The following ITPK1 variants were observed in gnomAD, a reference collection of about 807,000 sequenced individuals.
ITPK1 encodes the protein inositol-tetrakisphosphate 1-kinase.
A neutral mutation model predicts 45.3 loss-of-function variants in ITPK1; 21 were observed. That is an observed-to-expected ratio of 0.46 (90% CI 0.33 to 0.67). ITPK1 has a LOEUF of 0.67. Among genes scored for constraint, ITPK1 ranks in the 30% least tolerant of loss-of-function variants. ITPK1 has a pLI of 0.02. For missense variants in ITPK1, 474 were observed against 573.5 expected (o/e 0.83, Z 1.77); for synonymous variants, 258 against 253.6 (o/e 1.02, Z -0.16).
chr14:93,014,236 T>A lies in ITPK1; in HGVS notation c.246+2440A>T, dbSNP rs1340773050. Among the ~76,000 whole-genome samples the A allele has an allele frequency of 6.6e-6, 1 of 152,126 alleles. No individual in the cohort carries two copies. The highest frequency in any genetic ancestry group is 1.5e-5 in the Non-Finnish European group (1 of 68,018). ...ATGCACCTGTGGCTGCCTGACAGCC[T>A]TAAGCCACAAGGCCCCATGCTGCCC... On this transcript the variant is annotated intron_variant, in intron 4 of 10. Coordinates refer to ENST00000267615, the MANE Select transcript of ITPK1 (RefSeq NM_014216.6). This position sits in a 1 kb window ranked among gnomAD's most constrained non-coding sequence, Gnocchi z 4.4.
chr14:93,082,144 T>G (rs1595198180), intron 2 of ITPK1, among the ~76,000 whole-genome samples: 1 of 147,966 alleles, frequency 6.8e-6, no homozygotes, highest in Non-Finnish European at 1.5e-5. Flanking sequence ...AGGGGTGGGG[T>G]GGGGGGCAGC....
intron 5 of ITPK1, among the ~76,000 whole-genome samples, chr14:92,985,676 G>T (rs974677001): frequency 6.6e-6 from 1 of 151,998 alleles, no homozygotes; most frequent in Non-Finnish European, 1.5e-5. Flanking sequence ...CAAATGCCTG[G>T]CAGGGTCTGG....
intron 3 of ITPK1, chr14:93,069,997 G>A (rs1890924423): frequency 6.6e-6 from 1 of 152,226 alleles, no homozygotes; most frequent in African/African-American, 2.4e-5. Flanking sequence ...GGGTTTCATA[G>A]TGTCTGAATT....
chr14:93,007,270 C>G (rs1887663657), intron 4 of ITPK1, among the ~76,000 whole-genome samples: 1 of 152,190 alleles, frequency 6.6e-6, no homozygotes, highest in African/African-American at 2.4e-5. Context: ...AGCTGCCCCT[C>G]CCCTGTATAC....
chr14:92,971,781 C>G (rs890005142), intron 5 of ITPK1, among the ~76,000 whole-genome samples: 2 of 152,218 alleles, frequency 1.3e-5, no homozygotes, highest in African/African-American at 4.8e-5. Flanking sequence ...TGCCGCCCAC[C>G]TCCCGGGGTG....
chr14:93,085,053 C>T (rs1181778794), intron 2 of ITPK1, among the ~76,000 whole-genome samples: 4 of 152,228 alleles, frequency 2.6e-5, no homozygotes, highest in Non-Finnish European at 4.4e-5. Context: ...CGAGTGCTGC[C>T]GGGTTCCTGG....
At chr14:92,945,441 C>T (rs1887636414) in intron 10 of ITPK1, among the ~76,000 whole-genome samples, 1 of 152,258 alleles carries the variant, frequency 6.6e-6, no homozygotes, top group African/African-American at 2.4e-5. Flanking sequence ...AGGCAGGAGG[C>T]ATTTCCTGAA....
chr14:92,951,821 G>A (rs1179008325), intron 9 of ITPK1, 125 bp downstream of exon 9: 3 of 729,998 alleles, frequency 4.1e-6, no homozygotes, highest in Non-Finnish European at 7.0e-6. Context: ...GTGGCATGGA[G>A]GCAAACGTCC....
chr14:92,964,471 G>A (rs1885243037), intron 5 of ITPK1, among the ~76,000 whole-genome samples: 1 of 152,216 alleles, frequency 6.6e-6, no homozygotes, highest in Non-Finnish European at 1.5e-5. Context: ...AGGCAGGGCG[G>A]GAATGCTGTG....
In ITPK1 at chr14:93,108,991, C is replaced by T. The variant is rs1272961749; in HGVS notation, c.95+6078G>A. 4.6e-5 allele frequency among the ~76,000 whole-genome samples: 7 copies of T among 152,182 alleles called. No homozygotes were observed. In the East Asian group the frequency reaches 7.7e-4, roughly 17 times the overall value. ...TCGTGCCACTGCACTCCAGTCTAGGCGACAGAGGGAGACTCTGTCTCACAC... is the reference window on the plus strand; with the variant it reads ...TCGTGCCACTGCACTCCAGTCTAGGTGACAGAGGGAGACTCTGTCTCACAC... On this transcript the variant is annotated intron_variant, in intron 2 of 10. Transcript: ENST00000267615.
intron 3 of ITPK1, among the ~76,000 whole-genome samples, chr14:93,042,984 C>A (rs556373891): frequency 6.6e-6 from 1 of 152,068 alleles, no homozygotes; most frequent in South Asian, 2.1e-4. Flanking sequence ...CACCACTGCA[C>A]CCCAGCCTGG....
chr14:92,995,313 C>T (rs1886996161), intron 4 of ITPK1, among the ~76,000 whole-genome samples: 1 of 152,242 alleles, frequency 6.6e-6, no homozygotes, highest in Admixed American at 6.5e-5. Context: ...GTGAGGCCTG[C>T]ACAGGCTGGG....
chr14:93,066,407 CTTTTTT>C (rs751357627), intron 3 of ITPK1: 4 of 293,874 alleles, frequency 1.4e-5, no homozygotes, highest in South Asian at 2.4e-5. Context: ...TTTAGCAATT[CTTTTTT>C]TTTTTTTTTT....
chr14:92,989,822 C>T (rs1320327683), intron 5 of ITPK1, among the ~76,000 whole-genome samples: 4 of 152,126 alleles, frequency 2.6e-5, no homozygotes, highest in Admixed American at 6.5e-5. Context: ...TGGGTATAGG[C>T]ATGGCTGCCT....
chr14:92,952,117 T>C (rs993894219), intron 8 of ITPK1, 104 bp from the exon 9 acceptor site: 2 of 915,602 alleles, frequency 2.2e-6, no homozygotes, highest in Non-Finnish European at 1.7e-6. Context: ...ACACAACACG[T>C]GGCCCCCGGC....
intron 9 of ITPK1, 29 bp downstream of exon 9, chr14:92,951,917 G>A: frequency 6.4e-7 from 1 of 1,552,742 alleles, no homozygotes; most frequent in Non-Finnish European, 8.7e-7. Context: ...GGCAGTTTCA[G>A]GCCAGGCCAT....
At chr14:92,955,482 C>A (rs1020768460) in intron 8 of ITPK1, among the ~76,000 whole-genome samples, 1 of 152,190 alleles carries the variant, frequency 6.6e-6, no homozygotes, top group Non-Finnish European at 1.5e-5. Flanking sequence ...AGCAAAGGAA[C>A]CCGCTAATCT....
At chr14:93,077,099 GC>G (rs1358502860) in intron 2 of ITPK1, among the ~76,000 whole-genome samples, 21 of 152,088 alleles carry the variant, frequency 1.4e-4, no homozygotes, top group Non-Finnish European at 2.9e-5. Flanking sequence ...ACACAGTCCT[GC>G]CCGCTGCCTT....
chr14:93,010,905 C>T (rs998847165), intron 4 of ITPK1, among the ~76,000 whole-genome samples: 11 of 151,320 alleles, frequency 7.3e-5, no homozygotes, highest in Non-Finnish European at 1.2e-4. Context: ...CTGACTGACC[C>T]TTACACACAC....
Sources: gnomAD v4.1 joint callset for allele counts (sites outside exome capture counted in the v4.1 genomes callset) on GRCh38, gnomAD v4.1.1 for gene constraint, Gnocchi (gnomAD v3.1) non-coding constraint, MANE v1.5 for transcripts, NCBI Gene and HGNC (gene_info 2026-07-23, HGNC 2026-07-21) for gene names.